The following TMEM182 variants were observed in gnomAD, a reference collection of about 807,000 sequenced individuals.
The protein encoded by TMEM182 is transmembrane protein 182.
A neutral mutation model predicts 26.8 loss-of-function variants in TMEM182; 20 were observed. The observed-to-expected ratio is 0.75, with a 90% confidence interval of 0.53 to 1.09. The LOEUF is 1.09. Ranked by LOEUF, TMEM182 falls within the 50% of genes least tolerant of loss-of-function variation. The pLI is 0.00. For synonymous variants in TMEM182, 109 were observed against 102.2 expected (o/e 1.07, Z -0.40); for missense variants, 277 against 275.5 (o/e 1.01, Z -0.04).
intron 3 of TMEM182, among the ~76,000 whole-genome samples, chr2:102,793,404 T>G (rs1300830667): frequency 6.6e-6 from 1 of 152,168 alleles, no homozygotes; most frequent in African/African-American, 2.4e-5. Flanking sequence ...GTAGTCTACT[T>G]TGCCCAAACA....
intron 3 of TMEM182, among the ~76,000 whole-genome samples, chr2:102,773,211 A>G (rs1329412084): frequency 2.0e-5 from 3 of 152,010 alleles, no homozygotes; most frequent in Admixed American, 2.0e-4. Flanking sequence ...CAAAAAAAAA[A>G]GGATAAAAGT....
chr2:102,776,983 A>G (rs1680944763), intron 3 of TMEM182, among the ~76,000 whole-genome samples: 1 of 151,918 alleles, frequency 6.6e-6, no homozygotes, highest in Admixed American at 6.6e-5. Flanking sequence ...CTCAGTTTCT[A>G]ATTGGATTGT....
chr2:102,828,931 G>A (rs1355781277), intron 3 of TMEM182, among the ~76,000 whole-genome samples: 3 of 152,090 alleles, frequency 2.0e-5, no homozygotes, highest in Non-Finnish European at 2.9e-5. Context: ...GCAAATAAGG[G>A]GTATGAAGAA....
At chr2:102,749,866 CA>C (rs1197374855) in intron 1 of TMEM182, among the ~76,000 whole-genome samples, 2 of 150,766 alleles carry the variant, frequency 1.3e-5, no homozygotes, top group Non-Finnish European at 1.5e-5. Context: ...CCATCCTGTA[CA>C]AAAAAAATTA....
At chr2:102,767,911 C>A (rs1002746620) in intron 3 of TMEM182, among the ~76,000 whole-genome samples, 1 of 152,110 alleles carries the variant, frequency 6.6e-6, no homozygotes, top group African/African-American at 2.4e-5. Context: ...TCCTCCATCT[C>A]AGTATCTGTC....
intron 3 of TMEM182, among the ~76,000 whole-genome samples, chr2:102,829,029 G>A (rs914659386): frequency 2.6e-5 from 4 of 152,192 alleles, no homozygotes; most frequent in African/African-American, 9.6e-5. Context: ...TAAGTGGTTG[G>A]AACAGAGCGG....
chr2:102,822,880 CAAAAG>C (rs1373762874), intron 3 of TMEM182, among the ~76,000 whole-genome samples: 5 of 151,786 alleles, frequency 3.3e-5, no homozygotes, highest in Non-Finnish European at 5.9e-5. Context: ...TTCAATTTGA[CAAAAG>C]AAGAAGAAGA....
chr2:102,757,969 G>C (rs935111248), upstream of TMEM182, among the ~76,000 whole-genome samples: 1 of 152,158 alleles, frequency 6.6e-6, no homozygotes. Flanking sequence ...AGAGCAGCAA[G>C]GGGGAAATCC....
chr2:102,758,199 A>G (rs1276014974), upstream of TMEM182, among the ~76,000 whole-genome samples: 1 of 152,200 alleles, frequency 6.6e-6, no homozygotes, highest in Non-Finnish European at 1.5e-5. Flanking sequence ...AGCCCTTTCT[A>G]TTGAAAGGCC....
upstream of TMEM182, among the ~76,000 whole-genome samples, chr2:102,759,385 A>G (rs1375111958): frequency 6.6e-6 from 1 of 152,164 alleles, no homozygotes; most frequent in African/African-American, 2.4e-5. Context: ...CAGGATGACC[A>G]GAGCTCATTA....
At chr2:102,779,425 A>G (rs1316696202) in intron 3 of TMEM182, among the ~76,000 whole-genome samples, 2 of 152,060 alleles carry the variant, frequency 1.3e-5, no homozygotes, top group Admixed American at 6.6e-5. Flanking sequence ...GCCCTGTCCT[A>G]TTTCTTCTGC....
Position 102,816,379 on chromosome 2 carries a change from C to T in TMEM182, c.*1411C>T, listed in dbSNP as rs1682748296. ...CTCCTTTTCATCAGCTCTTCCAATG[C>T]CGTGGGAGAGGTGATCCCAGTCTTC... On this transcript the variant is annotated 3_prime_UTR_variant, in exon 5 of 5. Coordinates refer to ENST00000412401, the MANE Select transcript of TMEM182 (RefSeq NM_144632.5). 1 of 985,220 alleles carries T rather than the reference C, an allele frequency of 1.0e-6. No individual in the cohort carries two copies. The highest frequency in any genetic ancestry group is 1.2e-6 in the Non-Finnish European group (1 of 829,910). The allele number at this position is 985,220 out of a possible 1,614,324, so 61.0% of individuals were successfully genotyped here. A position where few individuals can be genotyped will look rare whatever the true frequency, so the allele number is the denominator to read the frequency against.
Position 102,815,197 on chromosome 2 carries a change from G to T in TMEM182, c.*229G>T. The T allele has an allele frequency of 7.4e-7, 1 of 1,343,978 alleles. No individual in the cohort carries two copies. The allele number at this position is 1,343,978 out of a possible 1,614,324, so 83.3% of individuals were successfully genotyped here. A position where few individuals can be genotyped will look rare whatever the true frequency, so the allele number is the denominator to read the frequency against. The stretch of plus-strand genomic sequence containing the variant: ...GCTGTCAAGGACCTAGTTCTTTAGG[G>T]AATAGGTAAACAGGTCTCCCTTTCA... On this transcript the variant is annotated 3_prime_UTR_variant, in exon 5 of 5. Transcript: ENST00000412401.
intron 1 of TMEM182, among the ~76,000 whole-genome samples, chr2:102,747,810 C>T (rs1679749383): frequency 6.6e-6 from 1 of 152,214 alleles, no homozygotes; most frequent in Admixed American, 6.5e-5. Flanking sequence ...TTAGGCATTT[C>T]AGTAACTATT....
chr2:102,767,599 T>A (rs2104667529), intron 3 of TMEM182, among the ~76,000 whole-genome samples: 1 of 152,348 alleles, frequency 6.6e-6, no homozygotes, highest in South Asian at 2.1e-4. Context: ...TCGTTATGCT[T>A]AACTGGAATT....
At chr2:102,809,811 C>T (rs948457922) in intron 4 of TMEM182, among the ~76,000 whole-genome samples, 4 of 152,062 alleles carry the variant, frequency 2.6e-5, no homozygotes, top group Admixed American at 6.5e-5. Context: ...GTGTGTGCAG[C>T]CTTTACGTAG....
At chr2:102,765,799 C>T (rs1439810186) in intron 3 of TMEM182, among the ~76,000 whole-genome samples, 2 of 152,152 alleles carry the variant, frequency 1.3e-5, no homozygotes, top group African/African-American at 4.8e-5. Context: ...AGGACTGGGA[C>T]CATTTTCCTT....
chr2:102,786,829 A>T (rs1275444400), intron 3 of TMEM182, among the ~76,000 whole-genome samples: 1 of 152,108 alleles, frequency 6.6e-6, no homozygotes. Context: ...GGGTTTAGAG[A>T]GATGAGCAAG....
intron 3 of TMEM182, among the ~76,000 whole-genome samples, chr2:102,838,683 T>A (rs1474502543): frequency 6.6e-6 from 1 of 152,136 alleles, no homozygotes; most frequent in Non-Finnish European, 1.5e-5. Context: ...TGGACGACCA[T>A]TTTAAAAGTA....
Sources: allele counts gnomAD v4.1 joint callset (sites outside exome capture counted in the v4.1 genomes callset), GRCh38; gene constraint gnomAD v4.1.1; transcripts MANE v1.5; gene names NCBI Gene and HGNC (gene_info 2026-07-23, HGNC 2026-07-21).